Variants in GALK1 observed in about 807,000 individuals in gnomAD.
GALK1 encodes the protein galactokinase.
In GALK1, 30 loss-of-function variants were observed where a neutral mutation model predicts 38.6. The ratio of observed to expected loss-of-function variants is 0.78; its 90% CI spans 0.58 to 1.05. The LOEUF (loss-of-function observed/expected upper bound fraction) is 1.05. Among genes scored for constraint, GALK1 ranks in the 50% least tolerant of loss-of-function variants. The pLI, the probability that GALK1 is intolerant of heterozygous loss-of-function variation, is 0.00. For missense variants in GALK1, 512 were observed against 540.5 expected, an observed-to-expected ratio of 0.95 and a Z score of 0.52; for synonymous variants, 240 against 233.6, an observed-to-expected ratio of 1.03 and a Z score of -0.25.
At chr17:75,752,802 C>T (rs781350118) in intron 8 of GALK1, among the ~76,000 whole-genome samples, 5 of 152,182 alleles carry the variant, frequency 3.3e-5, no homozygotes, top group Non-Finnish European at 4.4e-5. Flanking sequence ...TTCATGCCCA[C>T]GGGACCACGA....
At chr17:75,762,088 GC>G (rs1214380726) in intron 5 of GALK1, among the ~76,000 whole-genome samples, 1 of 152,204 alleles carries the variant, frequency 6.6e-6, no homozygotes, top group African/African-American at 2.4e-5. Flanking sequence ...ACTTTGGGAG[GC>G]CAAGGCAGGA....
At chr17:75,755,446 G>A (rs1040266887), downstream of GALK1, among the ~76,000 whole-genome samples, 1 of 152,148 alleles carries the variant, frequency 6.6e-6, no homozygotes, top group Non-Finnish European at 1.5e-5. Context: ...CAGGCCAGCT[G>A]AGCAGTTGAG....
intron 2 of GALK1, 67 bp from the exon 3 acceptor site, chr17:75,763,506 G>A: frequency 6.6e-7 from 1 of 1,521,400 alleles, no homozygotes; most frequent in South Asian, 1.2e-5. Flanking sequence ...AAGGGCAGGT[G>A]TCCTGGCGGG....
At chr17:75,755,158 C>A (rs752438746), downstream of GALK1, 10 of 1,611,632 alleles carry the variant, frequency 6.2e-6, no homozygotes, top group East Asian at 2.2e-4. Context: ...CTTCCAGGGG[C>A]CCACGAGACT....
At chr17:75,762,034 C>T (rs999165668) in intron 5 of GALK1, among the ~76,000 whole-genome samples, 30 of 151,870 alleles carry the variant, frequency 2.0e-4, no homozygotes, top group African/African-American at 6.3e-4. Flanking sequence ...AAAAAAAACA[C>T]GGCAAATGGG....
At chr17:75,754,858 C>G (rs768320516), downstream of GALK1, 3 of 1,613,472 alleles carry the variant, frequency 1.9e-6, no homozygotes, top group South Asian at 2.2e-5. Flanking sequence ...CTAACCCTTC[C>G]TCTCTTCCAG....
chr17:75,754,884 G>A, downstream of GALK1: 3 of 1,603,514 alleles, frequency 1.9e-6, no homozygotes, highest in Non-Finnish European at 2.6e-6. Context: ...GGAGCCTCGG[G>A]CTTCTGTCTG....
At position 75,765,183 on chromosome 17, in the gene GALK1, G is replaced by C; in HGVS notation, c.-47C>G. On this transcript the variant is annotated 5_prime_UTR_variant, in exon 1 of 8. Coordinates refer to ENST00000588479, the MANE Select transcript of GALK1 (RefSeq NM_000154.2). ...ACAGCTGCTCCGGCACAGCCCCGTC[G>C]GCGCGGGATGCTCGGGCGGGGCCCC... 1.4e-6 allele frequency: 2 copies of C among 1,383,558 alleles called. No individual in the cohort carries two copies. Among genetic ancestry groups the C allele is most frequent in the Non-Finnish European group, 1.9e-6 (2 of 1,074,264 alleles). 85.7% of individuals were successfully genotyped at this position (1,383,558 alleles called of 1,614,324 possible). A position where few individuals can be genotyped will look rare whatever the true frequency, so the allele number is the denominator to read the frequency against.
chr17:75,751,834 T>C, intron 8 of GALK1: 1 of 409,026 alleles, frequency 2.4e-6, no homozygotes, highest in East Asian at 5.5e-5. Flanking sequence ...TCTCCAGTCC[T>C]GGAAGGGAGG....
downstream of GALK1, chr17:75,756,915 A>T (rs1275065068): frequency 1.9e-6 from 3 of 1,612,298 alleles, no homozygotes; most frequent in East Asian, 2.2e-5. Flanking sequence ...AGGGGGCCGC[A>T]GACGCTGAAG....
chr17:75,762,765 T>C lies in GALK1; in HGVS notation c.732A>G (p.Glu244=). 6.2e-7 allele frequency: 1 copy of C among 1,613,948 alleles called. No homozygotes were observed. Residue 244 remains glutamate, a synonymous_variant, in exon 5 of 8, where the codon GAA becomes GAG. Coordinates refer to ENST00000588479, the MANE Select transcript of GALK1 (RefSeq NM_000154.2). ...CCTTGCCCAGCGCCCGGGCCACTTC[T>C]TCACATTGGCGCCGCCGCACAGGGT... is the stretch of plus-strand genomic sequence containing the variant. ...SEYPVRRRQC[E]EVARALGKES...
intron 5 of GALK1, 147 bp from the exon 6 acceptor site, chr17:75,758,746 A>C: frequency 1.0e-6 from 1 of 969,654 alleles, no homozygotes; most frequent in East Asian, 2.6e-5. Context: ...GCTCTCTCAG[A>C]CGTGGGTCTG....
chr17:75,756,310 C>A (rs541616017), downstream of GALK1: 563 of 1,118,472 alleles, frequency 5.0e-4, 3 homozygotes, highest in Middle Eastern at 2.6e-3. Context: ...TGTACCCAAA[C>A]CACAGCTAGT....
rs375257344 is a variant in GALK1, at chr17:75,758,105, G to T, written c.1130C>A (p.Thr377Asn). 5.0e-6 allele frequency: 8 copies of T among 1,612,110 alleles called. No individual in the cohort carries two copies. Among genetic ancestry groups the T allele is most frequent in the Non-Finnish European group, 6.8e-6 (8 of 1,179,896 alleles). Residue 377 changes from threonine to asparagine, a missense_variant, in exon 8 of 8, where the codon ACC (threonine) becomes AAC (asparagine). By Grantham distance (65) the Thr-to-Asn change is moderately conservative. Coordinates refer to ENST00000588479, the MANE Select transcript of GALK1 (RefSeq NM_000154.2). ...ATCGGCTGCTTGAGAGAGGTAGAAGGTGGCAGTCCCGCCGTAGTGCTCCTG... is the reference window on the plus strand; with the variant it reads ...ATCGGCTGCTTGAGAGAGGTAGAAGTTGGCAGTCCCGCCGTAGTGCTCCTG... ...HIQEHYGGTA[T>N]FYLSQAADGA... is the part of the protein sequence containing the mutation.
intron 1 of GALK1, chr17:75,764,337 G>C: frequency 1.4e-6 from 1 of 735,888 alleles, no homozygotes; most frequent in East Asian, 2.6e-5. Context: ...TGTGGGGCAA[G>C]GGGGAGAGCT....
downstream of GALK1, chr17:75,753,631 C>T (rs1015691760): frequency 5.7e-6 from 3 of 528,748 alleles, no homozygotes; most frequent in Non-Finnish European, 8.7e-6. Context: ...TCTACCCCCG[C>T]CCCCAACACA....
chr17:75,761,807 C>CA (rs1422239841), intron 5 of GALK1, among the ~76,000 whole-genome samples: 2 of 151,750 alleles, frequency 1.3e-5, no homozygotes, highest in East Asian at 3.9e-4. Flanking sequence ...CACCTGAGGT[C>CA]AGGCGTTTGA....
At chr17:75,757,629 CT>C, downstream of GALK1, 1 of 1,597,848 alleles carries the variant, frequency 6.3e-7, no homozygotes, top group South Asian at 1.1e-5. Context: ...TCCTCAGCTA[CT>C]CCATCCTTGC....
downstream of GALK1, chr17:75,756,478 G>A: frequency 6.2e-7 from 1 of 1,613,280 alleles, no homozygotes; most frequent in Admixed American, 1.7e-5. Context: ...CCTCGGTGGT[G>A]GTGGAAGACC....
Sources: allele counts gnomAD v4.1 joint callset (sites outside exome capture counted in the v4.1 genomes callset), GRCh38; gene constraint gnomAD v4.1.1; transcripts MANE v1.5; gene names NCBI Gene and HGNC (gene_info 2026-07-23, HGNC 2026-07-21).